The following COL5A1 variants were observed in gnomAD, a reference collection of about 807,000 sequenced individuals.
COL5A1 encodes collagen type V alpha 1 chain.
Under a neutral mutation model 263.7 loss-of-function variants are expected in COL5A1, and 16 were observed. The ratio of observed to expected loss-of-function variants is 0.06; its 90% CI spans 0.04 to 0.09. COL5A1 has a LOEUF of 0.09. Among genes scored for constraint, COL5A1 ranks in the 10% least tolerant of loss-of-function variants. COL5A1 has a pLI of 1.00. For synonymous variants in COL5A1, 1,012 were observed against 1,004.5 expected, an observed-to-expected ratio of 1.01 and a Z score of -0.14; for missense variants, 2,036 against 2,540.5, an observed-to-expected ratio of 0.80 and a Z score of 4.27.
At chr9:134,788,716 A>G (rs1489605209) in intron 31 of COL5A1, among the ~76,000 whole-genome samples, 2 of 142,840 alleles carry the variant, frequency 1.4e-5, no homozygotes, top group Non-Finnish European at 3.1e-5. Context: ...CAGGTGTATG[A>G]ATGGGTAGGT....
intron 4 of COL5A1, among the ~76,000 whole-genome samples, chr9:134,723,392 A>T (rs1834537550): frequency 6.6e-6 from 1 of 152,168 alleles, no homozygotes; most frequent in Admixed American, 6.5e-5. Flanking sequence ...TCTGGGCCTG[A>T]TGCCTGCAGG....
At chr9:134,772,351 C>T (rs963426731) in intron 25 of COL5A1, among the ~76,000 whole-genome samples, 1 of 152,240 alleles carries the variant, frequency 6.6e-6, no homozygotes, top group African/African-American at 2.4e-5. Flanking sequence ...CATTATTGTG[C>T]AGATTCATCT....
At chr9:134,713,439 C>T (rs141526079) in intron 4 of COL5A1, among the ~76,000 whole-genome samples, 13 of 152,298 alleles carry the variant, frequency 8.5e-5, no homozygotes, top group African/African-American at 3.1e-4. Flanking sequence ...GCAGAGACAC[C>T]CGGGAGTTGC....
In COL5A1 at chr9:134,842,638, T is replaced by G; in HGVS notation, c.*335T>G. Reference sequence around the variant, plus strand: ...CCGACCCATCCTGTTCGTGAATAGGTCTCAGGGGTTGGGGGAGGGACTGCC... The same window carrying G: ...CCGACCCATCCTGTTCGTGAATAGGGCTCAGGGGTTGGGGGAGGGACTGCC... On this transcript the variant is annotated 3_prime_UTR_variant, in exon 66 of 66. Transcript: ENST00000371817. This position sits in a 1 kb window ranked among gnomAD's most constrained non-coding sequence, Gnocchi z 5.8. 1 of 447,496 alleles carries G rather than the reference T, an allele frequency of 2.2e-6. No homozygotes were observed. Among genetic ancestry groups the G allele is most frequent in the Non-Finnish European group, 4.1e-6 (1 of 246,768 alleles). 27.7% of individuals were successfully genotyped at this position (447,496 alleles called of 1,614,324 possible). A position where few individuals can be genotyped will look rare whatever the true frequency, so the allele number is the denominator to read the frequency against.
intron 1 of COL5A1, among the ~76,000 whole-genome samples, chr9:134,664,522 G>GC (rs1381657723): frequency 6.6e-6 from 1 of 152,156 alleles, no homozygotes; most frequent in Non-Finnish European, 1.5e-5. Context: ...CACCAAGATG[G>GC]CCGACACACA....
At chr9:134,785,901 G>T in intron 30 of COL5A1, 94 bp from the exon 31 acceptor site, 1 of 1,180,692 alleles carries the variant, frequency 8.5e-7, no homozygotes, top group East Asian at 2.5e-5. Flanking sequence ...CCTCCTCCAG[G>T]CCCCTGCCAG....
chr9:134,810,934 A>G (rs1838498239), intron 44 of COL5A1, among the ~76,000 whole-genome samples: 2 of 151,982 alleles, frequency 1.3e-5, no homozygotes, highest in African/African-American at 4.8e-5. Context: ...CCTCCTTCCC[A>G]TGGTCCCATG....
intron 9 of COL5A1, among the ~76,000 whole-genome samples, chr9:134,737,117 A>G (rs1283196273): frequency 1.3e-5 from 2 of 152,212 alleles, no homozygotes; most frequent in Non-Finnish European, 2.9e-5. Flanking sequence ...ACCAGGCGTC[A>G]TCCCAGGGAA....
In COL5A1 at chr9:134,764,561, C is replaced by A. The variant is rs537845055; in HGVS notation, c.2034+824C>A. ...AGCAGACATATATTTAGGCCCAGAG[C>A]AAATTTCCTGATGGATAGGACATTA... On this transcript the variant is annotated intron_variant, in intron 20 of 65. Transcript: ENST00000371817. 2.4e-3 allele frequency among the ~76,000 whole-genome samples: 369 copies of A among 152,240 alleles called. 4 individuals are homozygous for A. The highest frequency in any genetic ancestry group is 1.6e-4 in the Non-Finnish European group (11 of 68,006).
chr9:134,819,752 CTTTG>C (rs1320259822), intron 57 of COL5A1, among the ~76,000 whole-genome samples: 3 of 152,244 alleles, frequency 2.0e-5, no homozygotes, highest in Non-Finnish European at 4.4e-5. Context: ...AGTCCACAAA[CTTTG>C]TTTTAGTTCC....
intron 1 of COL5A1, among the ~76,000 whole-genome samples, chr9:134,673,761 T>C (rs1832610921): frequency 6.6e-6 from 1 of 152,184 alleles, no homozygotes; most frequent in Admixed American, 6.5e-5. Flanking sequence ...CAAAAGACAC[T>C]GTTGGAAAAT....
chr9:134,781,094 T>A (rs572992645), intron 28 of COL5A1, among the ~76,000 whole-genome samples: 1 of 152,376 alleles, frequency 6.6e-6, no homozygotes, highest in East Asian at 1.9e-4. Flanking sequence ...AAGATGTCGC[T>A]TGGATCCTTT....
At chr9:134,792,323 G>T (rs1272102336) in intron 32 of COL5A1, among the ~76,000 whole-genome samples, 1 of 152,214 alleles carries the variant, frequency 6.6e-6, no homozygotes, top group Non-Finnish European at 1.5e-5. Flanking sequence ...CATTCCAAGG[G>T]TTGAAGGGAA....
rs1340879330 is a variant in COL5A1 at position 134,701,318 on chromosome 9, T to A, written c.639T>A (p.Asp213Glu). 6.2e-7 allele frequency: 1 copy of A among 1,613,662 alleles called. No homozygotes were observed. Among genetic ancestry groups the A allele is most frequent in the Non-Finnish European group, 8.5e-7 (1 of 1,179,910 alleles). Residue 213 changes from aspartate (D) to glutamate (E), a missense_variant, in exon 4 of 66, where the codon GAT becomes GAA. Asp to Glu is a conservative substitution (Grantham distance 45, BLOSUM62 2). This residue lies in a region of COL5A1 where 600 missense variants were observed against 634.5 expected (regional missense o/e 0.95). Transcript: ENST00000371817. ...TCGTGTTTGGCACCCGGATCCTGGATGAGGAGGTGTTTGAGGTGAGCAGGA... is the reference window on the plus strand; with the variant it reads ...TCGTGTTTGGCACCCGGATCCTGGAAGAGGAGGTGTTTGAGGTGAGCAGGA... ...GIIVFGTRILDEEVFEGDIQQ... is the reference protein window; with the variant it reads ...GIIVFGTRILEEEVFEGDIQQ...
In COL5A1 at chr9:134,642,183, C is replaced by G; in HGVS notation, c.-5C>G. ...CCTGTGCGCCCCGGCCCGCGCCCCG[C>G]CGGCATGGACGTCCATACCCGCTGG... On this transcript the variant is annotated 5_prime_UTR_variant, in exon 1 of 66. Transcript: ENST00000371817. The surrounding 1 kb of genome is among the most constrained non-coding windows in gnomAD (Gnocchi z 4.5). 2.4e-6 allele frequency: 3 copies of G among 1,263,148 alleles called. No individual in the cohort carries two copies. The highest frequency in any genetic ancestry group is 3.0e-6 in the Non-Finnish European group (3 of 1,007,644). The allele number at this position is 1,263,148 out of a possible 1,614,324, so 78.2% of individuals were successfully genotyped here. A position where few individuals can be genotyped will look rare whatever the true frequency, so the allele number is the denominator to read the frequency against.
intron 51 of COL5A1, 51 bp downstream of exon 51, chr9:134,815,680 C>A: frequency 1.3e-6 from 2 of 1,569,004 alleles, no homozygotes; most frequent in Non-Finnish European, 1.7e-6. Flanking sequence ...TGCTGGCCTG[C>A]CTCTGCCAGC....
chr9:134,685,435 CATCCATT>C (rs2132539885), intron 1 of COL5A1, among the ~76,000 whole-genome samples: 2 of 48,178 alleles, frequency 4.2e-5, no homozygotes, highest in Non-Finnish European at 8.5e-5. Flanking sequence ...TCCATCCATC[CATCCATT>C]GTCCATCATC....
At chr9:134,777,442 C>G (rs369397538) in intron 27 of COL5A1, among the ~76,000 whole-genome samples, 8 of 152,220 alleles carry the variant, frequency 5.3e-5, no homozygotes, top group South Asian at 2.1e-4. Flanking sequence ...CACCCCACCA[C>G]GGACACAGCA....
At chr9:134,811,644 G>T in intron 46 of COL5A1, 45 bp downstream of exon 46, 1 of 1,427,166 alleles carries the variant, frequency 7.0e-7, no homozygotes, top group Non-Finnish European at 9.7e-7. Context: ...CGCTTCTGAC[G>T]CCCCCTGTGT....
Sources: gnomAD v4.1 joint callset for allele counts (sites outside exome capture counted in the v4.1 genomes callset) on GRCh38, gnomAD v4.1.1 for gene constraint, gnomAD v4.1.1 regional missense constraint, Gnocchi (gnomAD v3.1) non-coding constraint, MANE v1.5 for transcripts, NCBI Gene and HGNC (gene_info 2026-07-23, HGNC 2026-07-21) for gene names.